The following DDX60L variants were observed in gnomAD, a reference collection of about 807,000 sequenced individuals.
DDX60L encodes the protein probable ATP-dependent RNA helicase DDX60-like.
A neutral mutation model predicts 211.6 loss-of-function variants in DDX60L; 191 were observed. That is an observed-to-expected ratio of 0.90 (90% CI 0.80 to 1.02). DDX60L has a LOEUF of 1.02. DDX60L is among the 50% of genes least tolerant of loss of function. The pLI is 0.00. For synonymous variants in DDX60L, 706 were observed against 694.1 expected (o/e 1.02, Z -0.27); for missense variants, 2,007 against 1,984.1 (o/e 1.01, Z -0.22).
At position 168,358,080 on chromosome 4, in the gene DDX60L, C is replaced by T. The variant is rs1214563072; in HGVS notation, c.*67G>A. ...CATTTTTTCCATTTCATTGTGTAAG[C>T]TTAATTATATCTCTCCTTGCAAAGG... is the stretch of plus-strand genomic sequence containing the variant. On this transcript the variant is annotated 3_prime_UTR_variant, in exon 38 of 38. Transcript: ENST00000682922. 6 of 1,417,650 alleles carry T rather than the reference C, an allele frequency of 4.2e-6. No homozygotes were observed. Among genetic ancestry groups the T allele is most frequent in the Non-Finnish European group, 1.9e-6 (2 of 1,026,612 alleles). 87.8% of individuals were successfully genotyped at this position (1,417,650 alleles called of 1,614,324 possible).
chr4:168,462,115 G>T, intron 4 of DDX60L, 75 bp from the exon 5 acceptor site: 1 of 1,131,914 alleles, frequency 8.8e-7, no homozygotes, highest in Non-Finnish European at 1.2e-6. Flanking sequence ...GTTGCTTACA[G>T]CACAAAGCTA....
chr4:168,422,969 T>TGTG lies in DDX60L; in HGVS notation c.2098-300_2098-299insCAC, dbSNP rs55786043. Among the ~76,000 whole-genome samples the TGTG allele has an allele frequency of 3.8e-4, 50 of 133,010 alleles. 1 individual carries two copies. The highest frequency in any genetic ancestry group is 1.8e-3 in the South Asian group (8 of 4,412). 87.3% of individuals were successfully genotyped at this position (133,010 alleles called of 152,430 possible). A position where few individuals can be genotyped will look rare whatever the true frequency, so the allele number is the denominator to read the frequency against. ...CACATGCTATCAATTGTGGCTAATATTGTGTGTGTGTGTGTGTGTGTGTGT... is the reference window on the plus strand; with the variant it reads ...CACATGCTATCAATTGTGGCTAATATGTGTGTGTGTGTGTGTGTGTGTGTGTGT... On this transcript the variant is annotated intron_variant, in intron 15 of 37. Transcript: ENST00000682922.
At chr4:168,478,956 C>A (rs1759986733) in intron 1 of DDX60L, among the ~76,000 whole-genome samples, 1 of 152,194 alleles carries the variant, frequency 6.6e-6, no homozygotes, top group South Asian at 2.1e-4. Flanking sequence ...ACCCAGCATA[C>A]CATGGGGTAT....
chr4:168,365,176 A>G (rs1209051739), intron 36 of DDX60L, among the ~76,000 whole-genome samples: 1 of 152,128 alleles, frequency 6.6e-6, no homozygotes, highest in East Asian at 1.9e-4. Flanking sequence ...AATAAAGCTT[A>G]AAGAAGCAGA....
chr4:168,380,558 C>G (rs1742754368), intron 30 of DDX60L: 1 of 152,300 alleles, frequency 6.6e-6, no homozygotes, highest in Non-Finnish European at 1.5e-5. Context: ...GCTTCCTGTA[C>G]AGCCTGCAGA....
chr4:168,465,476 T>G (rs1757868513), intron 4 of DDX60L, among the ~76,000 whole-genome samples: 1 of 152,192 alleles, frequency 6.6e-6, no homozygotes, highest in Non-Finnish European at 1.5e-5. Flanking sequence ...TTTCCTTTCC[T>G]GTGCGGAAAC....
In DDX60L at chr4:168,456,080, T is replaced by A; in HGVS notation, c.796A>T (p.Thr266Ser). 1.3e-6 allele frequency: 2 copies of A among 1,599,020 alleles called. 1 individual carries two copies. The highest frequency in any genetic ancestry group is 2.3e-5 in the South Asian group (2 of 87,480). Reference sequence around the variant, plus strand: ...ATTCTCAAGGATAGTGAACATGAAGTGACACAGAGAACACGCTGGATGTCC... The same window carrying A: ...ATTCTCAAGGATAGTGAACATGAAGAGACACAGAGAACACGCTGGATGTCC... ...GSDIQRVLCV[T>S]SCSLSLRMYH... Residue 266 changes from threonine (T) to serine (S), a missense_variant, in exon 7 of 38, where the codon ACT becomes TCT. Physicochemically the swap from Thr to Ser is moderately conservative, Grantham distance 58 (BLOSUM62 1). Coordinates refer to ENST00000682922, the MANE Select transcript of DDX60L (RefSeq NM_001012967.3).
chr4:168,435,308 C>T (rs1362868657), intron 10 of DDX60L, among the ~76,000 whole-genome samples: 1 of 152,232 alleles, frequency 6.6e-6, no homozygotes, highest in Non-Finnish European at 1.5e-5. Flanking sequence ...GCCACTAGAA[C>T]TGTCTATACT....
Position 168,358,139 on chromosome 4 carries a change from C to T in DDX60L, c.*8G>A. ...CCACATAATCAGACTTGAAAGTTTT[C>T]CATGGTGTTATTCTAAATGATTTTG... is the stretch of plus-strand genomic sequence containing the variant. On this transcript the variant is annotated 3_prime_UTR_variant, in exon 38 of 38. Transcript: ENST00000682922. 6.2e-7 allele frequency: 1 copy of T among 1,606,588 alleles called. No homozygotes were observed. The highest frequency in any genetic ancestry group is 8.5e-7 in the Non-Finnish European group (1 of 1,176,060).
At chr4:168,371,833 C>A in intron 35 of DDX60L, 70 bp from the exon 36 acceptor site, 1 of 1,357,598 alleles carries the variant, frequency 7.4e-7, no homozygotes, top group Non-Finnish European at 1.0e-6. Flanking sequence ...TTTGAGATTT[C>A]CTTTGTATGA....
chr4:168,448,332 C>T (rs1052119088), intron 9 of DDX60L, among the ~76,000 whole-genome samples: 4 of 151,970 alleles, frequency 2.6e-5, no homozygotes, highest in Non-Finnish European at 4.4e-5. Flanking sequence ...GCAATATATC[C>T]TTAAATGTTC....
intron 15 of DDX60L, 47 bp from the exon 16 acceptor site, chr4:168,422,717 G>A: frequency 3.6e-6 from 5 of 1,372,060 alleles, no homozygotes; most frequent in South Asian, 2.6e-5. Flanking sequence ...CTTCAAAATT[G>A]AATAAACATT....
chr4:168,371,725 A>G lies in DDX60L; in HGVS notation c.4815T>C (p.Ala1605=). The G allele has an allele frequency of 6.2e-7, 1 of 1,611,066 alleles. No homozygotes were observed. The highest frequency in any genetic ancestry group is 8.5e-7 in the Non-Finnish European group (1 of 1,177,912). The change falls in exon 36 of 38, where the codon GCT becomes GCC. Residue 1605 remains alanine, a synonymous_variant. Coordinates refer to ENST00000682922, the MANE Select transcript of DDX60L (RefSeq NM_001012967.3). ...CTAATTTCCATGGCCACAGCAGAGGAGCCTGAGTGCCACTAACACCGACTG... is the reference window on the plus strand; with the variant it reads ...CTAATTTCCATGGCCACAGCAGAGGGGCCTGAGTGCCACTAACACCGACTG... ...LRTVGVSGTQ[A]PLLWPWKLDN...
At position 168,379,545 on chromosome 4, in the gene DDX60L, A is replaced by C. The variant is rs145549029; in HGVS notation, c.4222-41T>G. ...AAAAAGTTGATTTAACTTGTCATGT[A>C]CTCAAATACCATAAAATACCAGTGT... On this transcript the variant is annotated intron_variant, in intron 31 of 37. Coordinates refer to ENST00000682922, the MANE Select transcript of DDX60L (RefSeq NM_001012967.3). 9.8e-5 allele frequency: 141 copies of C among 1,440,058 alleles called. No individual in the cohort carries two copies. The East Asian group carries it at 3.2e-3, about 33-fold the overall frequency. The allele number at this position is 1,440,058 out of a possible 1,614,324, so 89.2% of individuals were successfully genotyped here. A position where few individuals can be genotyped will look rare whatever the true frequency, so the allele number is the denominator to read the frequency against.
At chr4:168,435,808 C>T (rs778960946) in intron 10 of DDX60L, among the ~76,000 whole-genome samples, 2 of 152,076 alleles carry the variant, frequency 1.3e-5, no homozygotes, top group Non-Finnish European at 2.9e-5. Context: ...TTACGCTGCT[C>T]GGATCTAGTG....
chr4:168,459,774 G>GGGAAGGAAGGAA (rs70961524), intron 5 of DDX60L, among the ~76,000 whole-genome samples: 5,526 of 56,836 alleles, frequency 0.097, 527 homozygotes, highest in South Asian at 0.11. Flanking sequence ...GAAGGAAGGA[G>GGGAAGGAAGGAA]GGAAGGAAGG....
At chr4:168,401,128 G>T in intron 25 of DDX60L, 150 bp from the exon 26 acceptor site, 1 of 669,876 alleles carries the variant, frequency 1.5e-6, no homozygotes, top group Non-Finnish European at 2.5e-6. Flanking sequence ...ACTGGTTTAA[G>T]CCCCGATGGG....
intron 29 of DDX60L, among the ~76,000 whole-genome samples, chr4:168,387,956 T>C (rs1023533998): frequency 2.0e-5 from 3 of 152,166 alleles, no homozygotes; most frequent in Non-Finnish European, 4.4e-5. Context: ...TGTTTGGCAA[T>C]AATCACCTCA....
chr4:168,451,009 G>A (rs1168812236), intron 8 of DDX60L, among the ~76,000 whole-genome samples: 2 of 152,104 alleles, frequency 1.3e-5, no homozygotes, highest in African/African-American at 4.8e-5. Context: ...ATTATCTGCA[G>A]AATTTGACAC....
Sources: gnomAD v4.1 joint callset for allele counts (sites outside exome capture counted in the v4.1 genomes callset) on GRCh38, gnomAD v4.1.1 for gene constraint, MANE v1.5 for transcripts, NCBI Gene and HGNC (gene_info 2026-07-23, HGNC 2026-07-21) for gene names.